Variants in PARD3B observed in about 807,000 individuals in gnomAD.
PARD3B encodes the protein partitioning defective 3 homolog B.
A neutral mutation model predicts 130.2 loss-of-function variants in PARD3B; 103 were observed. The ratio of observed to expected loss-of-function variants is 0.79; its 90% confidence interval spans 0.67 to 0.93. The LOEUF (loss-of-function observed/expected upper bound fraction) is 0.93. Among genes scored for constraint, PARD3B ranks in the 40% least tolerant of loss-of-function variants. The pLI is 0.00. For synonymous variants in PARD3B, 583 were observed against 553.2 expected, an observed-to-expected ratio of 1.05 and a Z score of -0.76; for missense variants, 1,609 against 1,499.2, an observed-to-expected ratio of 1.07 and a Z score of -1.21.
intron 13 of PARD3B, among the ~76,000 whole-genome samples, chr2:205,179,042 A>C (rs2035643334): frequency 6.6e-6 from 1 of 152,154 alleles, no homozygotes; most frequent in African/African-American, 2.4e-5. Flanking sequence ...ATAAGATATG[A>C]AGGGGGAAGA....
In PARD3B at chr2:205,146,446, G is replaced by A. The variant is rs1322535510; in HGVS notation, c.1435-12276G>A. ...GGGCGGATCATGAGGTCAGGAGATC[G>A]AGACCATCCTGGCTAACACGGCAAA... is the stretch of plus-strand genomic sequence containing the variant. On this transcript the variant is annotated intron_variant, in intron 10 of 22. Transcript: ENST00000406610. This position sits in a 1 kb window ranked among gnomAD's most constrained non-coding sequence, Gnocchi z 4.3. 2.0e-5 allele frequency among the ~76,000 whole-genome samples: 3 copies of A among 151,874 alleles called. No homozygotes were observed. Among genetic ancestry groups the A allele is most frequent in the African/African-American group, 7.3e-5 (3 of 41,376 alleles).
chr2:205,492,506 TG>T (rs937522788), intron 20 of PARD3B, among the ~76,000 whole-genome samples: 1 of 152,114 alleles, frequency 6.6e-6, no homozygotes, highest in African/African-American at 2.4e-5. Flanking sequence ...TAATTTGAAA[TG>T]GGGGCTACCT....
rs1304394674 is a variant in PARD3B at position 205,011,570 on chromosome 2, G to A, written c.395-36011G>A. Among the ~76,000 whole-genome samples the A allele has an allele frequency of 6.6e-6, 1 of 152,162 alleles. No homozygotes were observed. Among genetic ancestry groups the A allele is most frequent in the African/African-American group, 2.4e-5 (1 of 41,436 alleles). ...ACAGACCAACCTTGGTGCACTGTAG[G>A]AAGGAACTACATAGTGTAAATCCAG... On this transcript the variant is annotated intron_variant, in intron 3 of 22. Coordinates refer to ENST00000406610, the MANE Select transcript of PARD3B (RefSeq NM_001302769.2). The surrounding 1 kb of genome is among the most constrained non-coding windows in gnomAD (Gnocchi z 4.1).
intron 18 of PARD3B, among the ~76,000 whole-genome samples, chr2:205,304,402 A>C (rs535225695): frequency 6.6e-6 from 1 of 151,718 alleles, no homozygotes; most frequent in South Asian, 2.1e-4. Flanking sequence ...TTGGGAGGCC[A>C]AGACGGGCGG....
chr2:204,650,633 A>G (rs917542089), intron 1 of PARD3B, among the ~76,000 whole-genome samples: 1 of 152,212 alleles, frequency 6.6e-6, no homozygotes. Flanking sequence ...TTTCCTTAGC[A>G]AACTAACACA....
intron 22 of PARD3B, among the ~76,000 whole-genome samples, chr2:205,614,991 GA>G (rs1033387940): frequency 6.6e-6 from 1 of 152,228 alleles, no homozygotes; most frequent in East Asian, 1.9e-4. Flanking sequence ...TATGGTGGTA[GA>G]AAAGGGGAGG....
Position 205,125,877 on chromosome 2 carries a change from C to G in PARD3B, c.1434+140C>G. On this transcript the variant is annotated intron_variant, in intron 10 of 22. Coordinates refer to ENST00000406610, the MANE Select transcript of PARD3B (RefSeq NM_001302769.2). This position sits in a 1 kb window ranked among gnomAD's most constrained non-coding sequence, Gnocchi z 4.0. ...TTGAATCACACTCAGGGTATTTTAC[C>G]CCATTTGGGGTATCGCATTTTTAAA... 8.4e-7 allele frequency: 1 copy of G among 1,194,888 alleles called. No individual in the cohort carries two copies. The highest frequency in any genetic ancestry group is 2.4e-5 in the East Asian group (1 of 41,626). 74.0% of individuals were successfully genotyped at this position (1,194,888 alleles called of 1,614,324 possible). A position where few individuals can be genotyped will look rare whatever the true frequency, so the allele number is the denominator to read the frequency against.
At chr2:205,104,225 G>A (rs990250681) in intron 4 of PARD3B, among the ~76,000 whole-genome samples, 1 of 151,732 alleles carries the variant, frequency 6.6e-6, no homozygotes, top group Non-Finnish European at 1.5e-5. Flanking sequence ...ACCCATTTGA[G>A]CATTTCAGAA....
intron 2 of PARD3B, among the ~76,000 whole-genome samples, chr2:204,809,955 T>A (rs1230293070): frequency 1.3e-5 from 2 of 152,092 alleles, no homozygotes; most frequent in African/African-American, 2.4e-5. Context: ...ATCTTTCACC[T>A]CCCTGGTTAG....
chr2:204,919,461 G>A lies in PARD3B; in HGVS notation c.223-45691G>A, dbSNP rs569684654. ...TTTGATTGTTTTCTACCATAAATTG[G>A]TTTTGCCTTGTGTAGAACTTCATGT... On this transcript the variant is annotated intron_variant, in intron 2 of 22. Coordinates refer to ENST00000406610, the MANE Select transcript of PARD3B (RefSeq NM_001302769.2). Among the ~76,000 whole-genome samples the A allele has an allele frequency of 3.3e-5, 5 of 152,160 alleles. No homozygotes were observed. In the South Asian group the frequency reaches 8.3e-4, roughly 25 times the overall value.
chr2:205,290,462 A>G (rs1380753956), intron 16 of PARD3B, among the ~76,000 whole-genome samples: 6 of 152,150 alleles, frequency 3.9e-5, no homozygotes, highest in Non-Finnish European at 5.9e-5. Context: ...CCTTGTATGC[A>G]CTCTCAGGGA....
intron 1 of PARD3B, among the ~76,000 whole-genome samples, chr2:204,556,545 A>C (rs2030935636): frequency 6.6e-6 from 1 of 152,182 alleles, no homozygotes; most frequent in South Asian, 2.1e-4. Flanking sequence ...TTTCCACGAG[A>C]AAAGTGAGAT....
chr2:205,409,454 A>G (rs186508763), intron 19 of PARD3B, among the ~76,000 whole-genome samples: 2 of 152,284 alleles, frequency 1.3e-5, no homozygotes, highest in Admixed American at 1.3e-4. Context: ...TGTAACACCT[A>G]TCTTCTCAGA....
chr2:204,620,854 A>C (rs1559189620), intron 1 of PARD3B, among the ~76,000 whole-genome samples: 1 of 152,142 alleles, frequency 6.6e-6, no homozygotes, highest in Non-Finnish European at 1.5e-5. Flanking sequence ...GGCAAGGAAC[A>C]GAGGAGTTTG....
chr2:204,928,527 A>G (rs1474685958), intron 2 of PARD3B, among the ~76,000 whole-genome samples: 1 of 152,148 alleles, frequency 6.6e-6, no homozygotes, highest in Non-Finnish European at 1.5e-5. Flanking sequence ...CTGAAATACT[A>G]TCACAATGTG....
intron 16 of PARD3B, among the ~76,000 whole-genome samples, chr2:205,257,894 C>T (rs981026420): frequency 6.6e-6 from 1 of 152,098 alleles, no homozygotes; most frequent in African/African-American, 2.4e-5. Context: ...CCCAGACCTT[C>T]AGGATACATT....
chr2:205,037,212 T>G (rs1176376293), intron 3 of PARD3B, among the ~76,000 whole-genome samples: 2 of 147,446 alleles, frequency 1.4e-5, no homozygotes, highest in Non-Finnish European at 3.0e-5. Context: ...GCGGACTATA[T>G]ATAAAAATAT....
chr2:205,110,900 G>C (rs747728197), intron 5 of PARD3B, among the ~76,000 whole-genome samples: 2 of 151,896 alleles, frequency 1.3e-5, no homozygotes, highest in Admixed American at 6.6e-5. Context: ...GAGATATGTC[G>C]TCAAATAATT....
At chr2:205,443,530 C>T (rs1196760198) in intron 20 of PARD3B, among the ~76,000 whole-genome samples, 1 of 152,160 alleles carries the variant, frequency 6.6e-6, no homozygotes, top group East Asian at 1.9e-4. Context: ...TTTTTCCTTT[C>T]TAACTCTGCC....
Sources: gnomAD v4.1 joint callset for allele counts (sites outside exome capture counted in the v4.1 genomes callset) on GRCh38, gnomAD v4.1.1 for gene constraint, Gnocchi (gnomAD v3.1) non-coding constraint, MANE v1.5 for transcripts, NCBI Gene and HGNC (gene_info 2026-07-23, HGNC 2026-07-21) for gene names.